OGDHL: variants seen among roughly 807,000 people sequenced by gnomAD.
OGDHL encodes the protein oxoglutarate dehydrogenase L.
OGDHL carries 79 observed loss-of-function variants against 109.6 expected under a neutral mutation model. The observed-to-expected ratio is 0.72, with a 90% CI of 0.60 to 0.87. The LOEUF (loss-of-function observed/expected upper bound fraction) is 0.87. Among genes scored for constraint, OGDHL ranks in the 40% least tolerant of loss-of-function variants. The pLI, the probability that OGDHL is intolerant of heterozygous loss-of-function variation, is 0.00. For missense variants in OGDHL, 1,275 were observed against 1,362.2 expected, an observed-to-expected ratio of 0.94 and a Z score of 1.01; for synonymous variants, 528 against 537.2, an observed-to-expected ratio of 0.98 and a Z score of 0.24.
At chr10:49,758,933 C>A (rs1843091078) in intron 1 of OGDHL, among the ~76,000 whole-genome samples, 2 of 152,186 alleles carry the variant, frequency 1.3e-5, no homozygotes, top group Admixed American at 1.3e-4. Context: ...GAGCACCCAC[C>A]TAGGTCCTGG....
rs745310157 is a variant in OGDHL at position 49,745,787 on chromosome 10, C to T, written c.1476+11G>A. The T allele has an allele frequency of 4.3e-6, 7 of 1,613,086 alleles. No individual in the cohort carries two copies. The highest frequency in any genetic ancestry group is 5.9e-6 in the Non-Finnish European group (7 of 1,179,222). On this transcript the variant is annotated intron_variant, in intron 11 of 22. Transcript: ENST00000374103. ...ACCCACCCATGCCTTGGCCTCAGTC[C>T]CCAGACCCACCAGGTCCACGACAAC...
At chr10:49,756,572 C>CAA in intron 3 of OGDHL, 1 of 492,386 alleles carries the variant, frequency 2.0e-6, no homozygotes, top group Admixed American at 3.5e-5. Context: ...TCAGTATGCA[C>CAA]AAAAAAAAAT....
chr10:49,749,829 G>A lies in OGDHL; in HGVS notation c.897-13C>T. 1 of 1,579,794 alleles carries A rather than the reference G, an allele frequency of 6.3e-7. No individual in the cohort carries two copies. On this transcript the variant is annotated splice_polypyrimidine_tract_variant and intron_variant, in intron 7 of 22. Transcript: ENST00000374103. ...GTTCAGCCTTCCCCTGGAGCCAGAG[G>A]GGCCGGGCTCTCACCTGGCAAAGCC... is the stretch of plus-strand genomic sequence containing the variant.
At chr10:49,740,466 C>A (rs1043058668) in intron 16 of OGDHL, among the ~76,000 whole-genome samples, 2 of 152,098 alleles carry the variant, frequency 1.3e-5, no homozygotes, top group Non-Finnish European at 1.5e-5. Context: ...CTGATACCCA[C>A]AAAACCCCTC....
intron 3 of OGDHL, 143 bp downstream of exon 3, chr10:49,756,633 A>G: frequency 1.3e-6 from 1 of 757,630 alleles, no homozygotes; most frequent in Admixed American, 3.1e-5. Context: ...GACTGGCTAG[A>G]GGAGTAGGTG....
chr10:49,742,982 T>C lies in OGDHL; in HGVS notation c.1862-4A>G, dbSNP rs374686033. ...CCCCGCAGAATGCGAGAGAGGCCTG[T>C]GGGAAAGGAGTGCTGGCCTGAGGGC... On this transcript the variant is annotated splice_region_variant and splice_polypyrimidine_tract_variant and intron_variant, in intron 14 of 22. Coordinates refer to ENST00000374103, the MANE Select transcript of OGDHL (RefSeq NM_018245.3). 171 of 1,611,944 alleles carry C rather than the reference T, an allele frequency of 1.1e-4. 1 individual carries two copies. Among genetic ancestry groups the C allele is most frequent in the Non-Finnish European group, 1.4e-4 (166 of 1,179,808 alleles).
intron 11 of OGDHL, 62 bp downstream of exon 11, chr10:49,745,736 C>T: frequency 6.4e-7 from 1 of 1,561,174 alleles, no homozygotes. Context: ...GATGACATGG[C>T]TGGCTCAGCA....
intron 8 of OGDHL, 140 bp from the exon 9 acceptor site, chr10:49,747,348 C>T (rs1842272519): frequency 2.3e-6 from 2 of 864,784 alleles, no homozygotes; most frequent in South Asian, 3.3e-5. Flanking sequence ...TGTCTCTGAC[C>T]CCTCTCTCCT....
rs770586007 is a variant in OGDHL, at chr10:49,745,448, T to C, written c.1525A>G (p.Thr509Ala). The C allele has an allele frequency of 1.2e-6, 2 of 1,613,890 alleles. No homozygotes were observed. Among genetic ancestry groups the C allele is most frequent in the Non-Finnish European group, 1.7e-6 (2 of 1,180,020 alleles). ...ATCTGCTTGTACATGAGCGGCTGGG[T>C]GAACATGGGCTCGTCCATCTCATTG... ...GHNEMDEPMF[T>A]QPLMYKQIHR... The change falls in exon 12 of 23, where the codon ACC becomes GCC. Residue 509 changes from threonine (T) to alanine (A), a missense_variant. Transcript: ENST00000374103.
chr10:49,747,435 A>T (rs1842277923), intron 8 of OGDHL, among the ~76,000 whole-genome samples: 1 of 152,156 alleles, frequency 6.6e-6, no homozygotes, highest in Admixed American at 6.5e-5. Context: ...CTCTCTGTAC[A>T]CTGACCATGG....
At chr10:49,756,430 G>A (rs1012053279) in intron 3 of OGDHL, among the ~76,000 whole-genome samples, 3 of 152,120 alleles carry the variant, frequency 2.0e-5, no homozygotes, top group African/African-American at 7.2e-5. Context: ...CATTCTAGAG[G>A]AGAAAACAGA....
chr10:49,744,984 A>G (rs977863802), intron 12 of OGDHL, among the ~76,000 whole-genome samples: 1 of 152,220 alleles, frequency 6.6e-6, no homozygotes, highest in Non-Finnish European at 1.5e-5. Context: ...GGCTTGGAGA[A>G]GGCTCTGGAA....
At chr10:49,748,573 T>G (rs979543056) in intron 8 of OGDHL, among the ~76,000 whole-genome samples, 4 of 152,118 alleles carry the variant, frequency 2.6e-5, no homozygotes, top group African/African-American at 9.7e-5. Context: ...TTTGGCCAAG[T>G]TTTCCACTAT....
At chr10:49,742,479 ACTCCCCCCACT>A (rs1841841420) in intron 15 of OGDHL, among the ~76,000 whole-genome samples, 4 of 10,310 alleles carry the variant, frequency 3.9e-4, no homozygotes, top group African/African-American at 1.2e-3. Flanking sequence ...CCCCCTATAC[ACTCCCCCCACT>A]CACCACATAC....
chr10:49,739,662 A>G lies in OGDHL; in HGVS notation c.2318T>C (p.Met773Thr), dbSNP rs978052829. ...ACCAGCCACCACCGCAGCCCTCACCATGCCTTCCATGCCATGGGGCAGCAG... is the reference window on the plus strand; with the variant it reads ...ACCAGCCACCACCGCAGCCCTCACCGTGCCTTCCATGCCATGGGGCAGCAG... ...VLLLPHGMEGMGPEHSSARPE... is the reference protein window; with the variant it reads ...VLLLPHGMEGTGPEHSSARPE... The change falls in exon 17 of 23, where the codon ATG becomes ACG. Residue 773 changes from methionine (M) to threonine (T), a missense_variant and splice_region_variant. Coordinates refer to ENST00000374103, the MANE Select transcript of OGDHL (RefSeq NM_018245.3). 3.5e-5 allele frequency: 57 copies of G among 1,612,778 alleles called. No individual in the cohort carries two copies. The highest frequency in any genetic ancestry group is 4.7e-5 in the Non-Finnish European group (55 of 1,179,312).
chr10:49,741,033 C>G (rs1841616755), intron 15 of OGDHL, among the ~76,000 whole-genome samples, 196 bp from the exon 16 acceptor site: 1 of 152,110 alleles, frequency 6.6e-6, no homozygotes, highest in African/African-American at 2.4e-5. Context: ...GCCTGTCCCC[C>G]ACCAGGCCTC....
intron 8 of OGDHL, among the ~76,000 whole-genome samples, chr10:49,748,927 G>A (rs1237493565): frequency 6.6e-6 from 1 of 152,108 alleles, no homozygotes. Flanking sequence ...CTAGGCAGTG[G>A]CCGGAAGCGG....
At chr10:49,761,979 C>G (rs1209025986) in intron 1 of OGDHL, among the ~76,000 whole-genome samples, 1 of 152,182 alleles carries the variant, frequency 6.6e-6, no homozygotes, top group East Asian at 1.9e-4. Flanking sequence ...CGCGAGCACC[C>G]GCTCCTCTGC....
chr10:49,737,761 C>A, intron 20 of OGDHL, 25 bp downstream of exon 20: 1 of 1,613,826 alleles, frequency 6.2e-7, no homozygotes, highest in South Asian at 1.1e-5. Context: ...GTGGGCTACC[C>A]CACACACCCA....
Sources: gnomAD v4.1 joint callset for allele counts (sites outside exome capture counted in the v4.1 genomes callset) on GRCh38, gnomAD v4.1.1 for gene constraint, MANE v1.5 for transcripts, NCBI Gene and HGNC (gene_info 2026-07-23, HGNC 2026-07-21) for gene names.